The following RHBDD1 variants were observed in gnomAD, a reference collection of about 807,000 sequenced individuals.
The protein encoded by RHBDD1 is rhomboid-related protein 4.
Under a neutral mutation model 36.3 loss-of-function variants are expected in RHBDD1, and 38 were observed. The ratio of observed to expected loss-of-function variants is 1.05; its 90% CI spans 0.81 to 1.37. The LOEUF (loss-of-function observed/expected upper bound fraction) is 1.37. Among genes scored for constraint, RHBDD1 ranks in the 40% most tolerant of loss-of-function variants. RHBDD1 has a pLI of 0.00. For missense variants in RHBDD1, 393 were observed against 377.6 expected (o/e 1.04, Z -0.34); for synonymous variants, 151 against 136.5 (o/e 1.11, Z -0.74).
At chr2:226,845,905 G>C (rs1353746586) in intron 3 of RHBDD1, among the ~76,000 whole-genome samples, 3 of 152,170 alleles carry the variant, frequency 2.0e-5, no homozygotes, top group African/African-American at 7.2e-5. Context: ...TTATTAGCCA[G>C]GTAATTGACC....
At chr2:226,891,200 T>G (rs1239558567) in intron 5 of RHBDD1, among the ~76,000 whole-genome samples, 1 of 152,176 alleles carries the variant, frequency 6.6e-6, no homozygotes, top group Non-Finnish European at 1.5e-5. Context: ...AAATCTCATA[T>G]GAAGGCTTGA....
rs752483948 is a variant in RHBDD1, at chr2:226,906,786, C to T, written c.567-7C>T. ...AAACACTCACAAAGGGTCTCCTTCC[C>T]TCCTAGGACTTCCTTCGCTGGGCAT... On this transcript the variant is annotated splice_polypyrimidine_tract_variant and splice_region_variant and intron_variant, in intron 5 of 8. Coordinates refer to ENST00000392062, the MANE Select transcript of RHBDD1 (RefSeq NM_001167608.3). 2 of 1,613,900 alleles carry T rather than the reference C, an allele frequency of 1.2e-6. No homozygotes were observed. The highest frequency in any genetic ancestry group is 1.7e-6 in the Non-Finnish European group (2 of 1,179,932).
At chr2:226,806,804 T>TCTGAAACCTTACACACTAAG in the RHBDD1 span, among the ~76,000 whole-genome samples, 1 of 152,214 alleles carries the variant, frequency 6.6e-6, no homozygotes, top group Non-Finnish European at 1.5e-5. Flanking sequence ...CACACTAAGG[T>TCTGAAACCTTACACACTAAG]GTCATGACCT....
At chr2:226,972,929 C>CAAA (rs11320469) in intron 8 of RHBDD1, among the ~76,000 whole-genome samples, 32 of 127,022 alleles carry the variant, frequency 2.5e-4, no homozygotes, top group South Asian at 7.3e-4. Context: ...AAGCCTGTAG[C>CAAA]AAAAAAAAAA....
chr2:226,814,386 A>G, the RHBDD1 span, among the ~76,000 whole-genome samples: 1 of 152,198 alleles, frequency 6.6e-6, no homozygotes, highest in Admixed American at 6.6e-5. Context: ...ATAGAATGTG[A>G]TTAAATAACT....
intron 3 of RHBDD1, among the ~76,000 whole-genome samples, chr2:226,843,870 G>C (rs889527482): frequency 1.3e-5 from 2 of 152,078 alleles, no homozygotes; most frequent in African/African-American, 4.8e-5. Context: ...TTGTACCCTG[G>C]TAGATAGAAT....
chr2:226,922,997 AGTT>A (rs1343326245), intron 8 of RHBDD1, among the ~76,000 whole-genome samples: 1 of 152,086 alleles, frequency 6.6e-6, no homozygotes, highest in African/African-American at 2.4e-5. Flanking sequence ...AAATTGTTGT[AGTT>A]ATTATTTTTG....
At chr2:226,915,396 A>AG (rs1479402714) in intron 8 of RHBDD1, among the ~76,000 whole-genome samples, 5 of 152,178 alleles carry the variant, frequency 3.3e-5, no homozygotes, top group Non-Finnish European at 7.3e-5. Context: ...GTGGGAAGCT[A>AG]GGCTGGGTCC....
chr2:226,878,924 G>A (rs1257509530), intron 5 of RHBDD1, among the ~76,000 whole-genome samples: 1 of 152,112 alleles, frequency 6.6e-6, no homozygotes, highest in Non-Finnish European at 1.5e-5. Context: ...GAGTCTTGGG[G>A]ACAGATCCAT....
At position 226,990,269 on chromosome 2, in the gene RHBDD1, T is replaced by C. The variant is rs184919277; in HGVS notation, c.857-5162T>C. Among the ~76,000 whole-genome samples the C allele has an allele frequency of 5.6e-4, 85 of 152,220 alleles. 1 individual carries two copies. The highest frequency in any genetic ancestry group is 6.8e-3 in the Middle Eastern group (2 of 294). On this transcript the variant is annotated intron_variant, in intron 8 of 8. Coordinates refer to ENST00000392062, the MANE Select transcript of RHBDD1 (RefSeq NM_001167608.3). Reference sequence around the variant, plus strand: ...CTTTCAGGGGAGGCATTTTGGGAGCTTTGCAGTTCATGGAATGCTAATAAA... The same window carrying C: ...CTTTCAGGGGAGGCATTTTGGGAGCCTTGCAGTTCATGGAATGCTAATAAA...
At chr2:226,930,445 C>T (rs1949956100) in intron 8 of RHBDD1, among the ~76,000 whole-genome samples, 1 of 151,506 alleles carries the variant, frequency 6.6e-6, no homozygotes, top group Non-Finnish European at 1.5e-5. Context: ...AAAACAGCCA[C>T]ATGCAGAATA....
At chr2:226,842,283 CTTTAG>C (rs1941730665) in intron 3 of RHBDD1, among the ~76,000 whole-genome samples, 1 of 152,208 alleles carries the variant, frequency 6.6e-6, no homozygotes, top group East Asian at 1.9e-4. Flanking sequence ...TGCAGAAGCT[CTTTAG>C]TTTAATCAGG....
chr2:226,957,198 T>C (rs548672167), intron 8 of RHBDD1, among the ~76,000 whole-genome samples: 36 of 152,318 alleles, frequency 2.4e-4, no homozygotes, highest in African/African-American at 8.7e-4. Flanking sequence ...ATAAAGTACT[T>C]GATATGGCTT....
At chr2:226,991,681 G>A (rs142802056) in intron 8 of RHBDD1, among the ~76,000 whole-genome samples, 4 of 152,300 alleles carry the variant, frequency 2.6e-5, no homozygotes, top group African/African-American at 9.6e-5. Context: ...GAGCTACTCA[G>A]TATTCCCATT....
At chr2:226,869,360 A>T (rs1299345647) in intron 5 of RHBDD1, 1 of 192,600 alleles carries the variant, frequency 5.2e-6, no homozygotes, top group Non-Finnish European at 9.5e-6. Context: ...ACTACGCTAA[A>T]CACTGGCCCA....
intron 8 of RHBDD1, among the ~76,000 whole-genome samples, chr2:226,928,608 A>T (rs1446035668): frequency 1.3e-5 from 2 of 152,038 alleles, no homozygotes; most frequent in Non-Finnish European, 2.9e-5. Flanking sequence ...GAGAAATGAG[A>T]ACCAACTAAA....
chr2:226,825,556 G>T, the RHBDD1 span, among the ~76,000 whole-genome samples: 1 of 152,080 alleles, frequency 6.6e-6, no homozygotes, highest in Non-Finnish European at 1.5e-5. Context: ...AACTGGAAAG[G>T]AATACATCAT....
chr2:226,852,088 ACT>A (rs772816407), intron 3 of RHBDD1, among the ~76,000 whole-genome samples: 3 of 152,016 alleles, frequency 2.0e-5, no homozygotes, highest in African/African-American at 4.8e-5. Context: ...TTCTGTAAAC[ACT>A]CTGAATCAAT....
At chr2:226,922,628 T>C (rs1038410868) in intron 8 of RHBDD1, among the ~76,000 whole-genome samples, 6 of 152,194 alleles carry the variant, frequency 3.9e-5, no homozygotes, top group African/African-American at 1.4e-4. Flanking sequence ...TATTATTGTT[T>C]AGTAAAGATT....
Sources: allele counts gnomAD v4.1 joint callset (sites outside exome capture counted in the v4.1 genomes callset), GRCh38; gene constraint gnomAD v4.1.1; transcripts MANE v1.5; gene names NCBI Gene and HGNC (gene_info 2026-07-23, HGNC 2026-07-21).